MXRA7: variants seen among roughly 807,000 people sequenced by gnomAD.
The protein encoded by MXRA7 is matrix remodeling associated 7, also known as matrix-remodeling-associated protein 7.
A neutral mutation model predicts 17.4 loss-of-function variants in MXRA7; 18 were observed. The ratio of observed to expected loss-of-function variants is 1.03; its 90% CI spans 0.71 to 1.53. The LOEUF is 1.53. MXRA7 is among the 40% of genes most tolerant of loss of function. The pLI is 0.00. For synonymous variants in MXRA7, 70 were observed against 101.7 expected, an observed-to-expected ratio of 0.69 and a Z score of 1.87; for missense variants, 141 against 209.3, an observed-to-expected ratio of 0.67 and a Z score of 2.01.
At chr17:76,687,999 T>TACCACCCCAA in intron 2 of MXRA7, 114 bp downstream of exon 2, 1 of 801,728 alleles carries the variant, frequency 1.2e-6, no homozygotes. Flanking sequence ...CAGGCCACTG[T>TACCACCCCAA]CCCACCCCAT....
chr17:76,703,627 G>GTTTTTGT (rs1555644835), intron 1 of MXRA7: 3,265 of 151,254 alleles, frequency 0.022, 115 homozygotes, highest in East Asian at 0.13. Flanking sequence ...TTTGTTTTTT[G>GTTTTTGT]TTTTTTAAAG....
intron 2 of MXRA7, among the ~76,000 whole-genome samples, chr17:76,686,656 A>G (rs2076401692): frequency 6.6e-6 from 1 of 152,232 alleles, no homozygotes; most frequent in South Asian, 2.1e-4. Flanking sequence ...CAGTTTTGCT[A>G]GACCAGAATT....
intron 1 of MXRA7, among the ~76,000 whole-genome samples, chr17:76,701,492 G>GCATA (rs1479535141): frequency 6.6e-6 from 1 of 152,080 alleles, no homozygotes. Flanking sequence ...CGAGAGCTGG[G>GCATA]CGTATAGATG....
intron 1 of MXRA7, among the ~76,000 whole-genome samples, chr17:76,692,259 CTTT>C (rs569237354): frequency 7.1e-6 from 1 of 141,270 alleles, no homozygotes; most frequent in Admixed American, 7.1e-5. Flanking sequence ...CTGATTTTTT[CTTT>C]TTTTTTTTTT....
intron 1 of MXRA7, among the ~76,000 whole-genome samples, chr17:76,695,303 A>G (rs2143647331): frequency 6.6e-6 from 1 of 152,266 alleles, no homozygotes; most frequent in South Asian, 2.1e-4. Context: ...ACACAGTGCA[A>G]TGGAGACAAA....
chr17:76,677,726 G>T (rs2076252529), downstream of MXRA7: 1 of 1,570,996 alleles, frequency 6.4e-7, no homozygotes, highest in African/African-American at 1.3e-5. Context: ...AGGACAAAGA[G>T]GAAGAAGGTG....
At chr17:76,673,003 C>G (rs895940997) in exon 4 of MXRA7, 1 of 152,158 alleles carries the variant, frequency 6.6e-6, no homozygotes, top group Non-Finnish European at 1.5e-5. Flanking sequence ...CCTCAAGTTA[C>G]TTATAATTGG....
intron 1 of MXRA7, among the ~76,000 whole-genome samples, chr17:76,696,775 G>A (rs1478562126): frequency 6.6e-6 from 1 of 152,100 alleles, no homozygotes; most frequent in African/African-American, 2.4e-5. Flanking sequence ...GTGAAGGTGC[G>A]GCCAGCCAAA....
intron 1 of MXRA7, among the ~76,000 whole-genome samples, chr17:76,707,986 C>T (rs2076680604): frequency 6.6e-6 from 1 of 152,234 alleles, no homozygotes; most frequent in Non-Finnish European, 1.5e-5. Flanking sequence ...TCCGCTTCTC[C>T]TCAGCCTCCC....
At chr17:76,708,754 G>A (rs530325678) in intron 1 of MXRA7, among the ~76,000 whole-genome samples, 1 of 152,200 alleles carries the variant, frequency 6.6e-6, no homozygotes, top group East Asian at 1.9e-4. Flanking sequence ...GGGGAGCTTT[G>A]GCCAGCTCAG....
At chr17:76,691,831 G>A (rs970076442) in intron 1 of MXRA7, among the ~76,000 whole-genome samples, 1 of 152,176 alleles carries the variant, frequency 6.6e-6, no homozygotes, top group Non-Finnish European at 1.5e-5. Flanking sequence ...TAGACAGGAG[G>A]CCAGTTCTCC....
intron 1 of MXRA7, among the ~76,000 whole-genome samples, chr17:76,701,672 T>C (rs1406289458): frequency 6.7e-6 from 1 of 149,976 alleles, no homozygotes; most frequent in Non-Finnish European, 1.5e-5. Context: ...AAGGAGGGAG[T>C]ATGTTGTGGG....
downstream of MXRA7, chr17:76,674,907 A>C (rs2076228185): frequency 6.6e-6 from 1 of 152,224 alleles, no homozygotes; most frequent in African/African-American, 2.4e-5. Flanking sequence ...GAGATACCTG[A>C]ACTCCTGCAG....
intron 3 of MXRA7, among the ~76,000 whole-genome samples, chr17:76,684,231 G>A (rs2076354506): frequency 6.6e-6 from 1 of 152,208 alleles, no homozygotes; most frequent in Admixed American, 6.5e-5. Context: ...CACCCCTCCT[G>A]CTCGGACCCT....
At chr17:76,699,129 C>T (rs1342833994) in intron 1 of MXRA7, among the ~76,000 whole-genome samples, 1 of 152,106 alleles carries the variant, frequency 6.6e-6, no homozygotes, top group East Asian at 1.9e-4. Flanking sequence ...TCAGGTGGCA[C>T]CTACATCTGC....
chr17:76,690,030 A>G (rs2076461971), intron 1 of MXRA7: 1 of 152,000 alleles, frequency 6.6e-6, no homozygotes, highest in South Asian at 2.1e-4. Context: ...AAAAAAAAAA[A>G]AAGGAGGCGT....
In MXRA7 at chr17:76,685,168, G is replaced by T; in HGVS notation, c.407-3C>A. The T allele has an allele frequency of 6.2e-7, 1 of 1,611,186 alleles. No individual in the cohort carries two copies. Among genetic ancestry groups the T allele is most frequent in the Non-Finnish European group, 8.5e-7 (1 of 1,177,372 alleles). ...GTATTTGAAGGAGAAGCCTTCTCCTGTGGAGGGGGGACCCAGTAAGTGCCA... is the reference window on the plus strand; with the variant it reads ...GTATTTGAAGGAGAAGCCTTCTCCTTTGGAGGGGGGACCCAGTAAGTGCCA... On this transcript the variant is annotated splice_polypyrimidine_tract_variant and splice_region_variant and intron_variant, in intron 2 of 3. Coordinates refer to ENST00000449428, the MANE Select transcript of MXRA7 (RefSeq NM_198530.4).
At chr17:76,693,327 G>A (rs1418602049) in intron 1 of MXRA7, among the ~76,000 whole-genome samples, 1 of 151,918 alleles carries the variant, frequency 6.6e-6, no homozygotes, top group African/African-American at 2.4e-5. Flanking sequence ...AATTAGTTGG[G>A]TGTGGTGGTG....
chr17:76,706,137 G>GCCC (rs2076652872), intron 1 of MXRA7, among the ~76,000 whole-genome samples: 2 of 151,274 alleles, frequency 1.3e-5, no homozygotes, highest in Non-Finnish European at 2.9e-5. Context: ...CATCACAAAG[G>GCCC]ACCACACTGC....
Sources: gnomAD v4.1 joint callset for allele counts (sites outside exome capture counted in the v4.1 genomes callset) on GRCh38, gnomAD v4.1.1 for gene constraint, MANE v1.5 for transcripts, NCBI Gene and HGNC (gene_info 2026-07-23, HGNC 2026-07-21) for gene names.